The following CUL1 variants were observed in gnomAD, a reference collection of about 807,000 sequenced individuals.
CUL1 encodes the protein cullin-1.
CUL1 carries 24 observed loss-of-function variants against 118.0 expected under a neutral mutation model. The observed-to-expected ratio is 0.20, with a 90% CI of 0.15 to 0.29. CUL1 has a LOEUF of 0.29. Ranked by LOEUF, CUL1 falls within the 10% of genes least tolerant of loss-of-function variation. The probability of loss-of-function intolerance (pLI) is 1.00; values close to 1 mark genes in which losing one functional copy is unlikely to be tolerated. For missense variants in CUL1, 361 were observed against 933.8 expected (o/e 0.39, Z 7.99); for synonymous variants, 332 against 340.4 (o/e 0.98, Z 0.27).
intron 2 of CUL1, among the ~76,000 whole-genome samples, chr7:148,732,766 A>T (rs1798806223): frequency 6.6e-6 from 1 of 152,174 alleles, no homozygotes; most frequent in African/African-American, 2.4e-5. Context: ...TTCTACAAAT[A>T]ATTAAATTCG....
At chr7:148,710,790 A>G (rs1036913546) in intron 1 of CUL1, among the ~76,000 whole-genome samples, 8 of 151,672 alleles carry the variant, frequency 5.3e-5, no homozygotes, top group African/African-American at 1.9e-4. Flanking sequence ...CAGCCTCCCA[A>G]GTAGCTAGGA....
Position 148,766,731 on chromosome 7 carries a change from A to T in CUL1, c.952+8A>T. The T allele has an allele frequency of 6.2e-7, 1 of 1,606,866 alleles. No individual in the cohort carries two copies. Among genetic ancestry groups the T allele is most frequent in the East Asian group, 2.2e-5 (1 of 44,806 alleles). The stretch of plus-strand genomic sequence containing the variant: ...ATGCTGACAAAAATGAAGGTGAGCC[A>T]CAAGACTCATAAAATGTAGGTATTT... On this transcript the variant is annotated splice_region_variant and intron_variant, in intron 8 of 21. Coordinates refer to ENST00000325222, the MANE Select transcript of CUL1 (RefSeq NM_003592.3).
rs1272964031 is a variant in CUL1, at chr7:148,760,385, A to T, written c.678A>T (p.Thr226=). Residue 226 remains threonine, a synonymous_variant, in exon 7 of 22, where the codon ACA becomes ACT. Transcript: ENST00000325222. ...DDAFAKGPTL[T]VYKESFESQF... ...CATTTGCAAAGGGCCCTACGTTAAC[A>T]GTGTATAAAGAATCCTTTGAATCTC... The T allele has an allele frequency of 6.2e-7, 1 of 1,613,328 alleles. No homozygotes were observed. Among genetic ancestry groups the T allele is most frequent in the Admixed American group, 1.7e-5 (1 of 59,922 alleles).
At chr7:148,731,376 T>C (rs1798759012) in intron 2 of CUL1, among the ~76,000 whole-genome samples, 1 of 152,266 alleles carries the variant, frequency 6.6e-6, no homozygotes, top group Non-Finnish European at 1.5e-5. Context: ...TATTCCAGTA[T>C]GTTCTTGCAT....
intron 7 of CUL1, among the ~76,000 whole-genome samples, chr7:148,762,363 T>C (rs915261020): frequency 3.3e-5 from 5 of 152,202 alleles, no homozygotes; most frequent in African/African-American, 1.2e-4. Context: ...TTGAAAGTCC[T>C]TGACAAATCT....
intron 9 of CUL1, among the ~76,000 whole-genome samples, chr7:148,780,525 C>G (rs564905667): frequency 6.6e-6 from 1 of 152,164 alleles, no homozygotes; most frequent in African/African-American, 2.4e-5. Context: ...TGGCACTTGC[C>G]GAGAAGAGCT....
chr7:148,740,729 C>G (rs1249671226), intron 2 of CUL1, among the ~76,000 whole-genome samples: 1 of 152,062 alleles, frequency 6.6e-6, no homozygotes, highest in Non-Finnish European at 1.5e-5. Context: ...TAAATAAAAT[C>G]GTGAGGGTGG....
At chr7:148,724,775 G>C (rs1798507902) in intron 1 of CUL1, among the ~76,000 whole-genome samples, 1 of 152,148 alleles carries the variant, frequency 6.6e-6, no homozygotes, top group African/African-American at 2.4e-5. Context: ...GGCAACTCCT[G>C]CGATGCCAAG....
At chr7:148,765,875 A>G (rs1449616656) in intron 7 of CUL1, among the ~76,000 whole-genome samples, 1 of 152,196 alleles carries the variant, frequency 6.6e-6, no homozygotes, top group East Asian at 1.9e-4. Context: ...AATCTAAAGT[A>G]CCACATCTTA....
At chr7:148,710,119 A>C (rs1798003885) in intron 1 of CUL1, among the ~76,000 whole-genome samples, 1 of 152,134 alleles carries the variant, frequency 6.6e-6, no homozygotes, top group East Asian at 1.9e-4. Flanking sequence ...GGTTTAAGTT[A>C]TTGTTGATGC....
chr7:148,797,069 G>C (rs1167128873), intron 17 of CUL1, among the ~76,000 whole-genome samples: 1 of 152,008 alleles, frequency 6.6e-6, no homozygotes, highest in Non-Finnish European at 1.5e-5. Context: ...AGGAGGGCTG[G>C]GAAGCGTTTA....
intron 17 of CUL1, among the ~76,000 whole-genome samples, chr7:148,793,888 C>T (rs1801099894): frequency 6.6e-6 from 1 of 152,082 alleles, no homozygotes. Flanking sequence ...TTCAGTTTCT[C>T]CATATCCTCA....
chr7:148,741,555 C>G (rs772753026), intron 2 of CUL1, among the ~76,000 whole-genome samples: 8 of 152,192 alleles, frequency 5.3e-5, no homozygotes, highest in Non-Finnish European at 1.2e-4. Flanking sequence ...TCTCCTGCCT[C>G]AGCCTCCCGA....
chr7:148,716,724 ACTTT>A (rs1403760155), intron 1 of CUL1, among the ~76,000 whole-genome samples: 4 of 152,234 alleles, frequency 2.6e-5, no homozygotes, highest in Admixed American at 6.5e-5. Flanking sequence ...CTAAGAATTT[ACTTT>A]CTTATCAGTA....
At chr7:148,796,706 T>C (rs1230696961) in intron 17 of CUL1, among the ~76,000 whole-genome samples, 1 of 152,124 alleles carries the variant, frequency 6.6e-6, no homozygotes, top group African/African-American at 2.4e-5. Flanking sequence ...TAGGCCAGTC[T>C]CCTGAGTGGT....
chr7:148,750,406 C>G (rs1365705313), intron 2 of CUL1, among the ~76,000 whole-genome samples: 2 of 151,632 alleles, frequency 1.3e-5, no homozygotes, highest in African/African-American at 4.9e-5. Context: ...CCCATTAACT[C>G]GTCATTTACA....
intron 17 of CUL1, among the ~76,000 whole-genome samples, chr7:148,795,562 C>G (rs887946701): frequency 6.6e-6 from 1 of 151,962 alleles, no homozygotes; most frequent in African/African-American, 2.4e-5. Flanking sequence ...GTCAGGAGAT[C>G]GAGACCATCC....
chr7:148,710,129 C>A (rs1027927651), intron 1 of CUL1, among the ~76,000 whole-genome samples: 1 of 152,176 alleles, frequency 6.6e-6, no homozygotes, highest in Non-Finnish European at 1.5e-5. Flanking sequence ...ATTGTTGATG[C>A]TTTTGTGTCT....
intron 2 of CUL1, among the ~76,000 whole-genome samples, chr7:148,753,721 AACCTCCC>A (rs1384093675): frequency 6.6e-6 from 1 of 152,170 alleles, no homozygotes; most frequent in East Asian, 1.9e-4. Flanking sequence ...TTTTATAGGC[AACCTCCC>A]TCCTGGAATG....
Sources: gnomAD v4.1 joint callset for allele counts (sites outside exome capture counted in the v4.1 genomes callset) on GRCh38, gnomAD v4.1.1 for gene constraint, MANE v1.5 for transcripts, NCBI Gene and HGNC (gene_info 2026-07-23, HGNC 2026-07-21) for gene names.